CCNJL: variants seen among roughly 807,000 people sequenced by gnomAD.
CCNJL encodes the protein cyclin-J-like protein.
CCNJL carries 33 observed loss-of-function variants against 33.4 expected under a neutral mutation model. The observed-to-expected ratio is 0.99, with a 90% CI of 0.75 to 1.32. CCNJL has a LOEUF of 1.32. Ranked by LOEUF, CCNJL falls within the 40% of genes most tolerant of loss-of-function variation. The pLI is 0.00. For synonymous variants in CCNJL, 227 were observed against 220.9 expected (o/e 1.03, Z -0.24); for missense variants, 512 against 499.7 (o/e 1.02, Z -0.23).
intron 1 of CCNJL, among the ~76,000 whole-genome samples, chr5:160,317,982 T>C (rs545423151): frequency 2.8e-4 from 42 of 152,180 alleles, no homozygotes; most frequent in Admixed American, 1.5e-3. Flanking sequence ...GGGCTTCTTC[T>C]CTTTCTCTTC....
intron 1 of CCNJL, among the ~76,000 whole-genome samples, chr5:160,333,614 C>T (rs1266818292): frequency 6.6e-6 from 1 of 151,168 alleles, no homozygotes; most frequent in African/African-American, 2.4e-5. Context: ...AAATCCCTTT[C>T]TATTTTCCCT....
At chr5:160,312,046 C>T (rs1487910239) in intron 1 of CCNJL, 74 bp from the exon 2 acceptor site, 5 of 949,868 alleles carry the variant, frequency 5.3e-6, no homozygotes, top group Non-Finnish European at 8.1e-6. Flanking sequence ...TATCCTCTCT[C>T]GCCCCTGGCC....
chr5:160,281,406 T>A (rs1343246401), intron 2 of CCNJL: 1 of 155,022 alleles, frequency 6.5e-6, no homozygotes, highest in Non-Finnish European at 1.4e-5. Flanking sequence ...ATATACATTT[T>A]TTTTCTAAAA....
intron 3 of CCNJL, 101 bp from the exon 4 acceptor site, chr5:160,259,872 A>C (rs1761245583): frequency 1.0e-5 from 10 of 986,114 alleles, no homozygotes; most frequent in South Asian, 1.6e-5. Flanking sequence ...CTGGCAAAGA[A>C]GACAGAAAGC....
chr5:160,276,727 G>T (rs1162008604), intron 3 of CCNJL, among the ~76,000 whole-genome samples: 1 of 152,126 alleles, frequency 6.6e-6, no homozygotes, highest in African/African-American at 2.4e-5. Context: ...CCACTCAACC[G>T]TACACTTGAA....
At chr5:160,275,379 C>T (rs777755901) in intron 3 of CCNJL, among the ~76,000 whole-genome samples, 3 of 152,158 alleles carry the variant, frequency 2.0e-5, no homozygotes, top group Non-Finnish European at 4.4e-5. Flanking sequence ...AGTCACCGTG[C>T]CCGGCTGAGG....
At chr5:160,336,206 T>C (rs1361795873) in intron 1 of CCNJL, among the ~76,000 whole-genome samples, 3 of 152,232 alleles carry the variant, frequency 2.0e-5, no homozygotes, top group African/African-American at 7.2e-5. Context: ...TTGATGACAG[T>C]CCTCAAAAGA....
Position 160,257,197 on chromosome 5 carries a change from C to T in CCNJL, c.584-1489G>A, listed in dbSNP as rs558872790. 7.3e-5 allele frequency among the ~76,000 whole-genome samples: 11 copies of T among 151,696 alleles called. No individual in the cohort carries two copies. In the South Asian group the frequency reaches 1.5e-3, roughly 20 times the overall value. ...CTCTAAAAAAATTTAAAAAATTGGC[C>T]GGGTGCAGTGGTTCACGCCTGTAAT... is the stretch of plus-strand genomic sequence containing the variant. On this transcript the variant is annotated intron_variant, in intron 4 of 5. Coordinates refer to ENST00000257536, the MANE Select transcript of CCNJL (RefSeq NM_001308173.3).
chr5:160,276,294 T>C (rs1274762149), intron 3 of CCNJL: 1 of 77,916 alleles, frequency 1.3e-5, no homozygotes, highest in African/African-American at 5.2e-5. Context: ...CTTGGGGCGG[T>C]GTGGGTGGGG....
chr5:160,268,294 CTGA>C lies in CCNJL; in HGVS notation c.281-8526_281-8524del, dbSNP rs200065677. Among the ~76,000 whole-genome samples, 1,100 of 152,338 alleles carry C rather than the reference CTGA, an allele frequency of 7.2e-3. 11 individuals are homozygous for C. Among genetic ancestry groups the C allele is most frequent in the African/African-American group, 0.023 (957 of 41,582 alleles). On this transcript the variant is annotated intron_variant, in intron 3 of 5. Transcript: ENST00000257536. ...CAGTGCAGCGGGCAGTGCCCACACTCTGATGATGACTGTCCTGGATTCTACGGA... is the reference window on the plus strand; with the variant it reads ...CAGTGCAGCGGGCAGTGCCCACACTCTGATGACTGTCCTGGATTCTACGGA...
chr5:160,338,093 C>T (rs532582673), intron 1 of CCNJL, among the ~76,000 whole-genome samples: 27 of 152,146 alleles, frequency 1.8e-4, no homozygotes, highest in African/African-American at 6.3e-4. Flanking sequence ...TGATTGGAAA[C>T]CTATGTGGGA....
chr5:160,263,943 CTTTTTTT>C (rs1156940851), intron 3 of CCNJL, among the ~76,000 whole-genome samples: 1 of 136,642 alleles, frequency 7.3e-6, no homozygotes, highest in African/African-American at 2.7e-5. Flanking sequence ...CTATCAACCT[CTTTTTTT>C]TTTTTTTTTT....
upstream of CCNJL, among the ~76,000 whole-genome samples, chr5:160,313,292 G>A (rs999116231): frequency 6.6e-6 from 1 of 152,194 alleles, no homozygotes; most frequent in African/African-American, 2.4e-5. Flanking sequence ...TGATTTTTGT[G>A]ATAGTTTTGG....
intron 2 of CCNJL, among the ~76,000 whole-genome samples, chr5:160,283,598 C>T (rs562138260): frequency 1.5e-4 from 23 of 152,212 alleles, no homozygotes; most frequent in African/African-American, 4.1e-4. Flanking sequence ...TATCCATCCC[C>T]GCAAGCATTT....
chr5:160,326,512 C>T (rs1763538339), intron 1 of CCNJL, among the ~76,000 whole-genome samples: 1 of 139,890 alleles, frequency 7.1e-6, no homozygotes, highest in South Asian at 2.2e-4. Flanking sequence ...AAAAAAAAGC[C>T]ATTATGCCAT....
chr5:160,298,840 T>A, intron 2 of CCNJL, among the ~76,000 whole-genome samples: 1 of 152,124 alleles, frequency 6.6e-6, no homozygotes, highest in East Asian at 1.9e-4. Context: ...GCAGGTCAAA[T>A]CCAGAATATA....
At chr5:160,270,934 C>T (rs1039373963) in intron 3 of CCNJL, among the ~76,000 whole-genome samples, 3 of 152,110 alleles carry the variant, frequency 2.0e-5, no homozygotes, top group African/African-American at 7.2e-5. Flanking sequence ...ACCTACAAGT[C>T]GGGAGGCATC....
chr5:160,260,477 G>A (rs1055467047), intron 3 of CCNJL, among the ~76,000 whole-genome samples: 6 of 152,268 alleles, frequency 3.9e-5, no homozygotes, highest in African/African-American at 9.6e-5. Context: ...CTGAGAAACA[G>A]CCTAAGACAG....
intron 3 of CCNJL, among the ~76,000 whole-genome samples, chr5:160,277,913 C>T (rs1007976794): frequency 6.7e-5 from 10 of 150,336 alleles, no homozygotes; most frequent in African/African-American, 2.5e-4. Context: ...TGGCTAATTG[C>T]TTTTTTTTTC....
Sources: allele counts gnomAD v4.1 joint callset (sites outside exome capture counted in the v4.1 genomes callset), GRCh38; gene constraint gnomAD v4.1.1; transcripts MANE v1.5; gene names NCBI Gene and HGNC (gene_info 2026-07-23, HGNC 2026-07-21).